The following GCA variants were observed in gnomAD, a reference collection of about 807,000 sequenced individuals.
GCA encodes grancalcin, also known as grancalcin, EF-hand calcium-binding protein.
In GCA, 30 loss-of-function variants were observed where a neutral mutation model predicts 32.6. The ratio of observed to expected loss-of-function variants is 0.92; its 90% CI spans 0.69 to 1.25. The LOEUF (loss-of-function observed/expected upper bound fraction) is 1.25, where lower values mean the gene tolerates loss of function less well. GCA is among the 50% of genes most tolerant of loss of function. GCA has a pLI of 0.00. For synonymous variants in GCA, 102 were observed against 84.6 expected, an observed-to-expected ratio of 1.21 and a Z score of -1.13; for missense variants, 291 against 266.8, an observed-to-expected ratio of 1.09 and a Z score of -0.63.
Position 162,323,488 on chromosome 2 carries a change from G to C in GCA, c.-31+4263G>C, listed in dbSNP as rs6432715. The stretch of plus-strand genomic sequence containing the variant: ...TTAGACATGAAGTCCTTGCCCATGC[G>C]TATGTCCTGAATGGTAATGCCTAGG... On this transcript the variant is annotated intron_variant, in intron 1 of 4. Coordinates refer to the GCA transcript ENST00000429691. Among the ~76,000 whole-genome samples, 678 of 151,578 alleles carry C rather than the reference G, an allele frequency of 4.5e-3. 17 individuals carry two copies. The highest frequency in any genetic ancestry group is 0.015 in the African/African-American group (626 of 40,924).
Position 162,322,870 on chromosome 2 carries a change from A to C in GCA, c.-31+3645A>C, listed in dbSNP as rs966980834. 4.6e-5 allele frequency among the ~76,000 whole-genome samples: 7 copies of C among 151,758 alleles called. No individual in the cohort carries two copies. The South Asian group carries it at 1.4e-3, about 31-fold the overall frequency. On this transcript the variant is annotated intron_variant, in intron 1 of 4. Coordinates refer to the GCA transcript ENST00000429691. ...GTGAATAATGCCACAATAAACATAC[A>C]TGTGCATGTGTCTTTATAGCAGCAA... is the stretch of plus-strand genomic sequence containing the variant.
At chr2:162,357,567 G>A (rs1194859288) in intron 5 of GCA, among the ~76,000 whole-genome samples, 1 of 151,576 alleles carries the variant, frequency 6.6e-6, no homozygotes, top group Non-Finnish European at 1.5e-5. Context: ...TTAATTTTTT[G>A]GAAGTTAAAA....
chr2:162,323,797 T>C (rs1165713082), intron 1 of GCA, among the ~76,000 whole-genome samples: 3 of 151,916 alleles, frequency 2.0e-5, no homozygotes, highest in Non-Finnish European at 4.4e-5. Flanking sequence ...TACCATGCTG[T>C]TTTGGTTACT....
chr2:162,336,654 T>C (rs1030396361), intron 1 of GCA, among the ~76,000 whole-genome samples: 1 of 151,704 alleles, frequency 6.6e-6, no homozygotes, highest in Non-Finnish European at 1.5e-5. Context: ...CTCTCTCTCT[T>C]TCTGTCTTCT....
intron 1 of GCA, among the ~76,000 whole-genome samples, chr2:162,329,633 T>C (rs1684006035): frequency 2.6e-5 from 4 of 151,104 alleles, no homozygotes; most frequent in African/African-American, 9.7e-5. Flanking sequence ...TTTTTAATGA[T>C]AGGGATCAAA....
downstream of GCA, among the ~76,000 whole-genome samples, chr2:162,366,019 A>T (rs115023482): frequency 3.3e-3 from 504 of 151,856 alleles, 2 homozygotes; most frequent in African/African-American, 0.012. Flanking sequence ...AGTTGTGATT[A>T]CTTTCAATAT....
chr2:162,357,091 ATT>A, intron 5 of GCA, 186 bp downstream of exon 5: 2 of 455,508 alleles, frequency 4.4e-6, no homozygotes, highest in South Asian at 9.0e-5. Flanking sequence ...TTTAATTATG[ATT>A]TTTTTCAAAA....
At position 162,360,660 on chromosome 2, in the gene GCA, G is replaced by A; in HGVS notation, c.*417G>A. 7.7e-7 allele frequency: 1 copy of A among 1,291,300 alleles called. No homozygotes were observed. The highest frequency in any genetic ancestry group is 3.0e-5 in the East Asian group (1 of 33,374). 80.0% of individuals were successfully genotyped at this position (1,291,300 alleles called of 1,614,324 possible). ...AGACTTTTAAATTTTCTTTGTAGTT[G>A]GTGGTGTTTGAGGGTTGGCTAGAAA... is the stretch of plus-strand genomic sequence containing the variant. On this transcript the variant is annotated 3_prime_UTR_variant, in exon 8 of 8. Coordinates refer to ENST00000437150, the MANE Select transcript of GCA (RefSeq NM_012198.5).
At chr2:162,364,200 G>A (rs1685680588), downstream of GCA, among the ~76,000 whole-genome samples, 1 of 151,438 alleles carries the variant, frequency 6.6e-6, no homozygotes, top group Non-Finnish European at 1.5e-5. Context: ...TTGCATTCTA[G>A]TTGACTGTAT....
At chr2:162,335,881 C>A (rs893513480) in intron 1 of GCA, among the ~76,000 whole-genome samples, 1 of 152,256 alleles carries the variant, frequency 6.6e-6, no homozygotes, top group South Asian at 2.1e-4. Flanking sequence ...ATGACTAGAA[C>A]CAATTAACCT....
chr2:162,356,755 CAGAG>C lies in GCA; in HGVS notation c.308_311del (p.Arg103IlefsTer26). On this transcript the variant is annotated splice_acceptor_variant and coding_sequence_variant, in exon 5 of 8. Transcript: ENST00000437150. LOFTEE classifies it high-confidence loss of function. The stretch of plus-strand genomic sequence containing the variant: ...AATTTATTTTTGTTAATAAAACTAT[CAGAG>C]AGATCACACAGGAAAAATGGGATTT... The C allele has an allele frequency of 1.3e-6, 2 of 1,595,468 alleles. No homozygotes were observed. The highest frequency in any genetic ancestry group is 1.7e-6 in the Non-Finnish European group (2 of 1,167,594).
intron 1 of GCA, among the ~76,000 whole-genome samples, chr2:162,332,322 A>AT (rs1236272662): frequency 0.02 from 2,728 of 136,736 alleles, 40 homozygotes; most frequent in African/African-American, 0.026. Context: ...AAAAAAAAAA[A>AT]ATATATATAT....
downstream of GCA, among the ~76,000 whole-genome samples, chr2:162,366,962 C>T (rs140275438): frequency 7.9e-5 from 12 of 151,966 alleles, no homozygotes; most frequent in East Asian, 2.3e-3. Context: ...TTAAGTAGTG[C>T]TACTGCACTA....
chr2:162,355,792 T>G (rs1003063425), intron 3 of GCA, among the ~76,000 whole-genome samples: 1 of 151,890 alleles, frequency 6.6e-6, no homozygotes, highest in Non-Finnish European at 1.5e-5. Context: ...CAGATGCTCA[T>G]TTTTTCTTAC....
At chr2:162,319,023 G>A, upstream of GCA, 1 of 392,690 alleles carries the variant, frequency 2.5e-6, no homozygotes, top group Non-Finnish European at 5.2e-6. Flanking sequence ...CCACAGACCC[G>A]GACGTGAACA....
At chr2:162,345,124 TGG>T (rs1558893093) in intron 1 of GCA, among the ~76,000 whole-genome samples, 5 of 145,462 alleles carry the variant, frequency 3.4e-5, no homozygotes, top group Non-Finnish European at 4.6e-5. Context: ...GTGGTGGTGG[TGG>T]TGGTGGTGGT....
downstream of GCA, among the ~76,000 whole-genome samples, chr2:162,372,778 A>G (rs1029585854): frequency 3.3e-5 from 5 of 152,154 alleles, no homozygotes; most frequent in Admixed American, 3.3e-4. Flanking sequence ...ATAATGTTTA[A>G]CTAATTAAGA....
At chr2:162,339,694 C>T (rs544964361), upstream of GCA, among the ~76,000 whole-genome samples, 204 of 152,264 alleles carry the variant, frequency 1.3e-3, 2 homozygotes, top group African/African-American at 4.6e-3. Flanking sequence ...CTCTGGCTAT[C>T]CTCATGCACC....
downstream of GCA, among the ~76,000 whole-genome samples, chr2:162,374,663 TTG>T (rs1375961768): frequency 6.6e-6 from 1 of 152,210 alleles, no homozygotes; most frequent in African/African-American, 2.4e-5. Context: ...AAATTAGCTT[TTG>T]ATTTGATAGA....
Sources: allele counts gnomAD v4.1 joint callset (sites outside exome capture counted in the v4.1 genomes callset), GRCh38; gene constraint gnomAD v4.1.1; transcripts MANE v1.5; gene names NCBI Gene and HGNC (gene_info 2026-07-23, HGNC 2026-07-21).